Variants in AGAP1 observed in about 807,000 individuals in gnomAD.
AGAP1 encodes the protein arf-GAP with GTPase, ANK repeat and PH domain-containing protein 1.
In AGAP1, 29 loss-of-function variants were observed where a neutral mutation model predicts 105.3. The ratio of observed to expected loss-of-function variants is 0.28; its 90% confidence interval spans 0.21 to 0.38. The LOEUF (loss-of-function observed/expected upper bound fraction) is 0.38, where lower values mean the gene tolerates loss of function less well. AGAP1 is among the 10% of genes least tolerant of loss of function. The pLI is 1.00. For synonymous variants in AGAP1, 509 were observed against 485.9 expected (o/e 1.05, Z -0.63); for missense variants, 998 against 1,165.1 (o/e 0.86, Z 2.09).
chr2:235,531,305 G>C (rs867458864), intron 1 of AGAP1, among the ~76,000 whole-genome samples: 2 of 152,128 alleles, frequency 1.3e-5, no homozygotes, highest in African/African-American at 4.8e-5. Flanking sequence ...GCATGGAAGA[G>C]GTCTCATCTC....
intron 6 of AGAP1, among the ~76,000 whole-genome samples, chr2:235,755,204 C>T (rs917818557): frequency 1.3e-5 from 2 of 152,172 alleles, no homozygotes; most frequent in African/African-American, 4.8e-5. Flanking sequence ...CAGCCAGCGG[C>T]TCTGTGCCTG....
rs1456581511 is a variant in AGAP1 at position 235,958,217 on chromosome 2, C to T, written c.1484-10245C>T. Among the ~76,000 whole-genome samples, 1 of 152,162 alleles carries T rather than the reference C, an allele frequency of 6.6e-6. No homozygotes were observed. The highest frequency in any genetic ancestry group is 2.4e-5 in the African/African-American group (1 of 41,444). ...GCTCCTAGCAAATTCGTGGCGTGCC[C>T]CTCATCAAACTACGTCCCCTGAGGG... On this transcript the variant is annotated intron_variant, in intron 12 of 17. Coordinates refer to ENST00000304032, the MANE Select transcript of AGAP1 (RefSeq NM_001037131.3). This position sits in a 1 kb window ranked among gnomAD's most constrained non-coding sequence, Gnocchi z 4.1.
intron 9 of AGAP1, among the ~76,000 whole-genome samples, chr2:235,811,669 G>T (rs1958146898): frequency 6.6e-6 from 1 of 152,230 alleles, no homozygotes; most frequent in South Asian, 2.1e-4. Flanking sequence ...TGCGGGGCAT[G>T]CTCTGTACCT....
intron 3 of AGAP1, among the ~76,000 whole-genome samples, chr2:235,726,664 G>A (rs1951663807): frequency 6.6e-6 from 1 of 152,150 alleles, no homozygotes; most frequent in Admixed American, 6.5e-5. Context: ...CCAGATTATA[G>A]CAGACCACTG....
In AGAP1 at chr2:235,860,057, G is replaced by A. The variant is rs1357759536; in HGVS notation, c.1051-23288G>A. ...GTCCTCAGTAATGCTAAGTTTAGGG[G>A]CTAAACCTTCATCTCAGTTTGTTTT... On this transcript the variant is annotated intron_variant, in intron 9 of 17. Transcript: ENST00000304032. 2.0e-5 allele frequency among the ~76,000 whole-genome samples: 3 copies of A among 152,130 alleles called. No homozygotes were observed. In the East Asian group the frequency reaches 5.8e-4, roughly 29 times the overall value.
chr2:235,878,882 C>T (rs949498364), intron 9 of AGAP1, among the ~76,000 whole-genome samples: 1 of 152,212 alleles, frequency 6.6e-6, no homozygotes, highest in Non-Finnish European at 1.5e-5. Flanking sequence ...ACTCAGGTGA[C>T]AGAGGTGCCT....
intron 1 of AGAP1, among the ~76,000 whole-genome samples, chr2:235,542,569 A>T: frequency 1.3e-5 from 2 of 148,692 alleles, no homozygotes; most frequent in East Asian, 3.8e-4. Flanking sequence ...ATACTGATAC[A>T]TACCTTTGAT....
chr2:235,839,469 G>A (rs1048359819), intron 9 of AGAP1, among the ~76,000 whole-genome samples: 2 of 152,302 alleles, frequency 1.3e-5, no homozygotes, highest in African/African-American at 4.8e-5. Flanking sequence ...AAAGCAAGCC[G>A]GGCACAGTAG....
At chr2:236,063,605 AATTG>A (rs1227102707) in intron 16 of AGAP1, among the ~76,000 whole-genome samples, 3 of 152,222 alleles carry the variant, frequency 2.0e-5, no homozygotes, top group Non-Finnish European at 4.4e-5. Flanking sequence ...CGACAAGATT[AATTG>A]ATTGATTTCT....
At chr2:235,745,919 A>G (rs1559426964) in intron 5 of AGAP1, among the ~76,000 whole-genome samples, 1 of 152,216 alleles carries the variant, frequency 6.6e-6, no homozygotes, top group Non-Finnish European at 1.5e-5. Context: ...AGTTGAAGTC[A>G]GGAGTTGACC....
At chr2:235,495,944 A>C (rs1941300796) in intron 1 of AGAP1, among the ~76,000 whole-genome samples, 2 of 152,190 alleles carry the variant, frequency 1.3e-5, no homozygotes, top group South Asian at 4.1e-4. Flanking sequence ...GAACATTGAG[A>C]ATGGCCCAAA....
chr2:235,833,786 A>T (rs1291148820), intron 9 of AGAP1, among the ~76,000 whole-genome samples: 1 of 151,604 alleles, frequency 6.6e-6, no homozygotes, highest in African/African-American at 2.4e-5. Flanking sequence ...TTATGAATAC[A>T]TGTGTATAAC....
Position 235,970,674 on chromosome 2 carries a change from A to C in AGAP1, c.1645+2051A>C, listed in dbSNP as rs2054605372. Reference sequence around the variant, plus strand: ...CACTTAGATACACGTTCATTATCCCACCCACGTGTTGACCGCTGTGTAAAT... The same window carrying C: ...CACTTAGATACACGTTCATTATCCCCCCCACGTGTTGACCGCTGTGTAAAT... On this transcript the variant is annotated intron_variant, in intron 13 of 17. Coordinates refer to ENST00000304032, the MANE Select transcript of AGAP1 (RefSeq NM_001037131.3). This position sits in a 1 kb window ranked among gnomAD's most constrained non-coding sequence, Gnocchi z 5.4. Among the ~76,000 whole-genome samples the C allele has an allele frequency of 6.6e-6, 1 of 152,088 alleles. No homozygotes were observed. The highest frequency in any genetic ancestry group is 1.5e-5 in the Non-Finnish European group (1 of 68,016).
chr2:235,739,917 T>C lies in AGAP1; in HGVS notation c.311-1046T>C, dbSNP rs998343420. Among the ~76,000 whole-genome samples, 2 of 152,230 alleles carry C rather than the reference T, an allele frequency of 1.3e-5. No individual in the cohort carries two copies. Among genetic ancestry groups the C allele is most frequent in the Non-Finnish European group, 2.9e-5 (2 of 68,040 alleles). On this transcript the variant is annotated intron_variant, in intron 3 of 17. Coordinates refer to ENST00000304032, the MANE Select transcript of AGAP1 (RefSeq NM_001037131.3). This position sits in a 1 kb window ranked among gnomAD's most constrained non-coding sequence, Gnocchi z 5.3. ...TGGAGCTGGCAGGCAGCCTCTGGGC[T>C]CTGGCAGCATTGTCCTCTGGGTCCA...
At chr2:235,650,031 A>G (rs1160493839) in intron 1 of AGAP1, among the ~76,000 whole-genome samples, 1 of 152,238 alleles carries the variant, frequency 6.6e-6, no homozygotes, top group Non-Finnish European at 1.5e-5. Context: ...CTTTATGATT[A>G]GATGGTGATC....
rs1575597466 is a variant in AGAP1, at chr2:235,842,801, C to T, written c.1050+35470C>T. Among the ~76,000 whole-genome samples, 1 of 152,262 alleles carries T rather than the reference C, an allele frequency of 6.6e-6. No homozygotes were observed. Among genetic ancestry groups the T allele is most frequent in the African/African-American group, 2.4e-5 (1 of 41,552 alleles). On this transcript the variant is annotated intron_variant, in intron 9 of 17. Coordinates refer to ENST00000304032, the MANE Select transcript of AGAP1 (RefSeq NM_001037131.3). This position sits in a 1 kb window ranked among gnomAD's most constrained non-coding sequence, Gnocchi z 5.3. ...CGAGTGCAGTGGCACGGTCTTGGTT[C>T]ACTGCAACCTCTGCCTCCCAGGTTC...
rs1237870657 is a variant in AGAP1, at chr2:235,601,478, G to A, written c.163+106629G>A. 6.6e-6 allele frequency among the ~76,000 whole-genome samples: 1 copy of A among 152,220 alleles called. No individual in the cohort carries two copies. The highest frequency in any genetic ancestry group is 2.4e-5 in the African/African-American group (1 of 41,460). ...CTGGGGAGGCCTCACAGTCATGGCG[G>A]AAGGTGAATGAGGAGCAAAGTTACA... On this transcript the variant is annotated intron_variant, in intron 1 of 17. Transcript: ENST00000304032. This position sits in a 1 kb window ranked among gnomAD's most constrained non-coding sequence, Gnocchi z 4.4.
chr2:235,630,471 A>G (rs1559300768), intron 1 of AGAP1, among the ~76,000 whole-genome samples: 1 of 152,168 alleles, frequency 6.6e-6, no homozygotes, highest in Non-Finnish European at 1.5e-5. Flanking sequence ...TCGGCCTCCC[A>G]AAGTGCTGGG....
intron 8 of AGAP1, among the ~76,000 whole-genome samples, chr2:235,802,252 A>C (rs1415929106): frequency 6.6e-6 from 1 of 152,178 alleles, no homozygotes; most frequent in Non-Finnish European, 1.5e-5. Flanking sequence ...GCAGACACAC[A>C]GGTGCACTTA....
Sources: allele counts gnomAD v4.1 joint callset (sites outside exome capture counted in the v4.1 genomes callset), GRCh38; gene constraint gnomAD v4.1.1; non-coding constraint Gnocchi (gnomAD v3.1); transcripts MANE v1.5; gene names NCBI Gene and HGNC (gene_info 2026-07-23, HGNC 2026-07-21).